The following GPR89B variants were observed in gnomAD, a reference collection of about 807,000 sequenced individuals.
GPR89B encodes the protein G protein-coupled receptor 89B.
A neutral mutation model predicts 52.4 loss-of-function variants in GPR89B; 25 were observed. The ratio of observed to expected loss-of-function variants is 0.48; its 90% CI spans 0.35 to 0.67. The LOEUF (loss-of-function observed/expected upper bound fraction) is 0.67. GPR89B is among the 30% of genes least tolerant of loss of function. GPR89B has a pLI of 0.01. For synonymous variants in GPR89B, 52 were observed against 151.2 expected (o/e 0.34, Z 4.81); for missense variants, 146 against 450.2 (o/e 0.32, Z 6.11).
chr1:147,999,524 G>A, the GPR89B span, among the ~76,000 whole-genome samples: 3 of 147,354 alleles, frequency 2.0e-5, no homozygotes, highest in Admixed American at 6.8e-5. Flanking sequence ...GCTTGAACCC[G>A]GGAGGTGGAG....
At chr1:148,020,739 G>C in the GPR89B span, among the ~76,000 whole-genome samples, 816 of 152,130 alleles carry the variant, frequency 5.4e-3, 27 homozygotes, top group East Asian at 0.089. Flanking sequence ...CCAGATTGGA[G>C]TGCAGTTGCA....
At chr1:148,010,307 C>T in the GPR89B span, 1 of 152,136 alleles carries the variant, frequency 6.6e-6, no homozygotes, top group Non-Finnish European at 1.5e-5. Flanking sequence ...TCATTTTGAT[C>T]CTTGACTTTT....
At chr1:147,975,797 G>A (rs1313665916) in intron 10 of GPR89B, among the ~76,000 whole-genome samples, 3 of 152,108 alleles carry the variant, frequency 2.0e-5, no homozygotes, top group Non-Finnish European at 4.4e-5. Context: ...GGCATTTAGT[G>A]CTATCCATTT....
At chr1:147,988,888 G>C (rs1453522321) in intron 12 of GPR89B, among the ~76,000 whole-genome samples, 1 of 142,462 alleles carries the variant, frequency 7.0e-6, no homozygotes, top group Non-Finnish European at 1.5e-5. Context: ...GTGGTACCAT[G>C]AGATAATTTT....
chr1:147,970,669 G>A (rs1657401499), intron 10 of GPR89B, among the ~76,000 whole-genome samples: 1 of 150,230 alleles, frequency 6.7e-6, no homozygotes, highest in Non-Finnish European at 1.5e-5. Flanking sequence ...TCTACCTTCA[G>A]CTCAGAAGTT....
At chr1:147,930,116 GCTTT>G (rs1376391189) in intron 1 of GPR89B, among the ~76,000 whole-genome samples, 27 of 152,184 alleles carry the variant, frequency 1.8e-4, no homozygotes, top group African/African-American at 6.5e-4. Flanking sequence ...CAAGGAAGTG[GCTTT>G]CTAATTTTGT....
At position 147,950,801 on chromosome 1, in the gene GPR89B, C is replaced by T. The variant is rs587621289; in HGVS notation, c.416-2544C>T. ...TACGAAAACCAGTCAGGCGTGGTGG[C>T]GCACGCCTGCAATCGCAGGCACTCG... On this transcript the variant is annotated intron_variant, in intron 5 of 13. Transcript: ENST00000314163. Among the ~76,000 whole-genome samples, 1,516 of 152,286 alleles carry T rather than the reference C, an allele frequency of 1.0e-2. 22 individuals are homozygous for T. The highest frequency in any genetic ancestry group is 0.035 in the African/African-American group (1,443 of 41,544).
chr1:147,960,158 G>C (rs1310140653), intron 7 of GPR89B, among the ~76,000 whole-genome samples: 4 of 151,912 alleles, frequency 2.6e-5, no homozygotes, highest in Non-Finnish European at 4.4e-5. Context: ...CACAGTTTAA[G>C]TAAATTAACT....
chr1:147,978,268 T>C (rs1553253947), intron 10 of GPR89B, among the ~76,000 whole-genome samples: 1 of 151,990 alleles, frequency 6.6e-6, no homozygotes, highest in African/African-American at 2.4e-5. Flanking sequence ...CTGCCATTTG[T>C]TGGGGGTCGA....
intron 1 of GPR89B, among the ~76,000 whole-genome samples, chr1:147,933,847 C>A (rs4950503): frequency 6.6e-6 from 1 of 152,326 alleles, no homozygotes; most frequent in Non-Finnish European, 1.5e-5. Flanking sequence ...GTGTCTTCCA[C>A]ACAGCCACCA....
the GPR89B span, among the ~76,000 whole-genome samples, chr1:148,006,324 T>C: frequency 6.6e-6 from 1 of 152,060 alleles, no homozygotes; most frequent in African/African-American, 2.4e-5. Flanking sequence ...ACTATTATAT[T>C]AGCCATCGTA....
At chr1:147,983,086 C>T (rs1157371577) in intron 10 of GPR89B, among the ~76,000 whole-genome samples, 4 of 152,292 alleles carry the variant, frequency 2.6e-5, no homozygotes, top group African/African-American at 4.8e-5. Flanking sequence ...AAAGGATTCC[C>T]TATTTAATAA....
rs1659211132 is a variant in GPR89B, at chr1:147,993,462, G to T, written c.*545G>T. ...CCTGCCCCATTAAAATAACCAAGAG[G>T]TTATCTGTTCTTTTCCGGGAAAGGG... On this transcript the variant is annotated 3_prime_UTR_variant, in exon 14 of 14. Transcript: ENST00000314163. 1.1e-5 allele frequency: 2 copies of T among 185,190 alleles called. No individual in the cohort carries two copies. Among genetic ancestry groups the T allele is most frequent in the South Asian group, 1.1e-4 (1 of 9,178 alleles). 11.5% of individuals were successfully genotyped at this position (185,190 alleles called of 1,614,324 possible).
At chr1:148,025,020 G>A in the GPR89B span, among the ~76,000 whole-genome samples, 10 of 151,896 alleles carry the variant, frequency 6.6e-5, no homozygotes, top group South Asian at 2.1e-4. Flanking sequence ...CATTATGCTG[G>A]GCAATCAGGT....
intron 10 of GPR89B, among the ~76,000 whole-genome samples, chr1:147,980,641 C>T (rs1217738334): frequency 6.8e-6 from 1 of 147,608 alleles, no homozygotes; most frequent in Admixed American, 6.7e-5. Context: ...TAACCATTAC[C>T]ACAATCAATT....
At chr1:148,019,370 A>C in the GPR89B span, among the ~76,000 whole-genome samples, 1 of 151,316 alleles carries the variant, frequency 6.6e-6, no homozygotes, top group Non-Finnish European at 1.5e-5. Context: ...ATGCGAGAAC[A>C]CATGGATAAA....
the GPR89B span, among the ~76,000 whole-genome samples, chr1:148,012,495 C>T: frequency 2.5e-5 from 3 of 122,154 alleles, no homozygotes; most frequent in Non-Finnish European, 5.0e-5. Flanking sequence ...CCCCTCCCCG[C>T]CCCACTCCCC....
At chr1:147,980,786 T>G (rs1411118935) in intron 10 of GPR89B, among the ~76,000 whole-genome samples, 1 of 115,204 alleles carries the variant, frequency 8.7e-6, no homozygotes, top group East Asian at 2.9e-4. Flanking sequence ...GCCACTGCAC[T>G]CCAGCCTGGG....
the GPR89B span, among the ~76,000 whole-genome samples, chr1:148,019,734 A>C: frequency 6.6e-6 from 1 of 152,082 alleles, no homozygotes; most frequent in African/African-American, 2.4e-5. Context: ...AGAACGCTTT[A>C]TGTTAACTAG....
Sources: gnomAD v4.1 joint callset for allele counts (sites outside exome capture counted in the v4.1 genomes callset) on GRCh38, gnomAD v4.1.1 for gene constraint, MANE v1.5 for transcripts, NCBI Gene and HGNC (gene_info 2026-07-23, HGNC 2026-07-21) for gene names.